CTDSPL: variants seen among roughly 807,000 people sequenced by gnomAD.
The protein encoded by CTDSPL is CTD small phosphatase like.
In CTDSPL, 8 loss-of-function variants were observed where a neutral mutation model predicts 30.5. The ratio of observed to expected loss-of-function variants is 0.26; its 90% CI spans 0.15 to 0.47. CTDSPL has a LOEUF of 0.47. Among genes scored for constraint, CTDSPL ranks in the 20% least tolerant of loss-of-function variants. The pLI is 0.99. For synonymous variants in CTDSPL, 110 were observed against 137.9 expected, an observed-to-expected ratio of 0.80 and a Z score of 1.42; for missense variants, 248 against 366.1, an observed-to-expected ratio of 0.68 and a Z score of 2.63.
chr3:37,869,646 G>C (rs1698051252), intron 1 of CTDSPL, among the ~76,000 whole-genome samples: 1 of 152,070 alleles, frequency 6.6e-6, no homozygotes, highest in Non-Finnish European at 1.5e-5. Flanking sequence ...TTAGCAGTAT[G>C]TCGAACAAGA....
At chr3:37,929,718 G>A (rs141734799) in intron 1 of CTDSPL, among the ~76,000 whole-genome samples, 538 of 152,204 alleles carry the variant, frequency 3.5e-3, no homozygotes, top group Middle Eastern at 0.02. Context: ...AGATCATGTC[G>A]CTGTGATATT....
intron 1 of CTDSPL, among the ~76,000 whole-genome samples, chr3:37,872,766 G>A (rs1381906458): frequency 6.6e-6 from 1 of 151,652 alleles, no homozygotes; most frequent in Non-Finnish European, 1.5e-5. Context: ...GTAGAGGTGG[G>A]GTTTCACCAC....
At chr3:37,936,930 T>A (rs1342131759) in intron 1 of CTDSPL, among the ~76,000 whole-genome samples, 1 of 133,504 alleles carries the variant, frequency 7.5e-6, no homozygotes, top group Non-Finnish European at 1.8e-5. Flanking sequence ...GTTCTGCTCT[T>A]GTGATGAGAA....
At chr3:37,867,625 T>G (rs562676774) in intron 1 of CTDSPL, among the ~76,000 whole-genome samples, 64 of 152,206 alleles carry the variant, frequency 4.2e-4, no homozygotes, top group Non-Finnish European at 7.8e-4. Context: ...GCATTTGGTG[T>G]TGTCACTGTT....
At chr3:37,916,383 T>C (rs149982018) in intron 1 of CTDSPL, among the ~76,000 whole-genome samples, 1 of 152,352 alleles carries the variant, frequency 6.6e-6, no homozygotes, top group Non-Finnish European at 1.5e-5. Flanking sequence ...CAAAAAGATA[T>C]GTTGAAGTCC....
intron 2 of CTDSPL, among the ~76,000 whole-genome samples, chr3:37,953,429 G>A (rs565537949): frequency 4.2e-4 from 64 of 152,274 alleles, no homozygotes; most frequent in African/African-American, 1.5e-3. Flanking sequence ...TCACATGACT[G>A]CATCTAAGTT....
intron 7 of CTDSPL, among the ~76,000 whole-genome samples, chr3:37,979,799 T>G (rs1357637904): frequency 2.0e-5 from 3 of 152,216 alleles, no homozygotes; most frequent in African/African-American, 7.2e-5. Context: ...ATTGTGTGGT[T>G]GTGTCACCAA....
At chr3:37,881,484 G>A (rs771466250) in intron 1 of CTDSPL, among the ~76,000 whole-genome samples, 10 of 152,056 alleles carry the variant, frequency 6.6e-5, no homozygotes, top group Admixed American at 2.0e-4. Flanking sequence ...AGCCAAGATC[G>A]CGCCACTGCA....
chr3:37,916,216 A>G (rs771893867), intron 1 of CTDSPL, among the ~76,000 whole-genome samples: 1 of 152,186 alleles, frequency 6.6e-6, no homozygotes, highest in African/African-American at 2.4e-5. Context: ...TCTTGGCCCC[A>G]TTATTCCTCA....
intron 1 of CTDSPL, among the ~76,000 whole-genome samples, chr3:37,915,288 A>G (rs1198743222): frequency 6.6e-6 from 1 of 151,956 alleles, no homozygotes; most frequent in Non-Finnish European, 1.5e-5. Context: ...GCTTAGGTAT[A>G]GTTTTATTTT....
rs1699409562 is a variant in CTDSPL at position 37,975,017 on chromosome 3, CTG to C, written c.520-689_520-688del. Among the ~76,000 whole-genome samples the C allele has an allele frequency of 6.6e-6, 1 of 152,118 alleles. No individual in the cohort carries two copies. The highest frequency in any genetic ancestry group is 1.5e-5 in the Non-Finnish European group (1 of 68,016). ...AAGCAATCCCACATAGTACTCCACT[CTG>C]TGAGGGAAACAACCCAGAAAGGAAG... On this transcript the variant is annotated intron_variant, in intron 6 of 7. Transcript: ENST00000273179. This position sits in a 1 kb window ranked among gnomAD's most constrained non-coding sequence, Gnocchi z 4.9.
rs1354476085 is a variant in CTDSPL, at chr3:37,982,790, A to G, written c.*1923A>G. On this transcript the variant is annotated 3_prime_UTR_variant, in exon 8 of 8. Transcript: ENST00000273179. The stretch of plus-strand genomic sequence containing the variant: ...TGGTAGAACTGCCCATGCCACAAAT[A>G]TTTATTTGGAAAAGTAGTCATTAAA... 2.7e-6 allele frequency: 1 copy of G among 369,820 alleles called. No individual in the cohort carries two copies. The highest frequency in any genetic ancestry group is 3.4e-5 in the Admixed American group (1 of 29,022). The allele number at this position is 369,820 out of a possible 1,614,324, so 22.9% of individuals were successfully genotyped here. A position where few individuals can be genotyped will look rare whatever the true frequency, so the allele number is the denominator to read the frequency against.
chr3:37,974,194 C>T lies in CTDSPL; in HGVS notation c.520-1515C>T, dbSNP rs181298715. Among the ~76,000 whole-genome samples the T allele has an allele frequency of 3.0e-4, 46 of 152,318 alleles. No homozygotes were observed. In the East Asian group the frequency reaches 8.7e-3, roughly 29 times the overall value. On this transcript the variant is annotated intron_variant, in intron 6 of 7. Transcript: ENST00000273179. ...GTTGCCTACAACCCACCCACGTGGC[C>T]CCTGGTTAGCCTCACCAGCAGATGA...
intron 1 of CTDSPL, among the ~76,000 whole-genome samples, chr3:37,891,494 C>T (rs1698325098): frequency 6.6e-6 from 1 of 152,224 alleles, no homozygotes; most frequent in South Asian, 2.1e-4. Context: ...AGACTGTGTG[C>T]ATTAAAACCC....
intron 6 of CTDSPL, among the ~76,000 whole-genome samples, chr3:37,971,899 G>A (rs1267888115): frequency 6.6e-6 from 1 of 152,250 alleles, no homozygotes; most frequent in Non-Finnish European, 1.5e-5. Context: ...AAGCAAGTGA[G>A]AGATAAGTGT....
intron 1 of CTDSPL, among the ~76,000 whole-genome samples, chr3:37,937,436 G>C (rs1237521222): frequency 6.7e-6 from 1 of 150,148 alleles, no homozygotes; most frequent in African/African-American, 2.4e-5. Flanking sequence ...ATAAAGAAAG[G>C]CTCCTCCTCA....
chr3:37,929,591 G>A (rs577712052), intron 1 of CTDSPL, among the ~76,000 whole-genome samples: 3 of 152,054 alleles, frequency 2.0e-5, no homozygotes, highest in African/African-American at 4.8e-5. Flanking sequence ...TTTATTCATC[G>A]TCAGTGTATA....
At chr3:37,936,167 A>G (rs1698912900) in intron 1 of CTDSPL, among the ~76,000 whole-genome samples, 1 of 152,098 alleles carries the variant, frequency 6.6e-6, no homozygotes, top group Non-Finnish European at 1.5e-5. Flanking sequence ...TTGGTTTGTC[A>G]CTGCTGGAGG....
chr3:37,879,427 G>A (rs1227530472), intron 1 of CTDSPL, among the ~76,000 whole-genome samples: 1 of 152,210 alleles, frequency 6.6e-6, no homozygotes, highest in African/African-American at 2.4e-5. Flanking sequence ...GATTAAAGAT[G>A]TTTCTCAGTG....
Sources: allele counts gnomAD v4.1 joint callset (sites outside exome capture counted in the v4.1 genomes callset), GRCh38; gene constraint gnomAD v4.1.1; non-coding constraint Gnocchi (gnomAD v3.1); transcripts MANE v1.5; gene names NCBI Gene and HGNC (gene_info 2026-07-23, HGNC 2026-07-21).